The following SORBS3 variants were observed in gnomAD, a reference collection of about 807,000 sequenced individuals.
The protein encoded by SORBS3 is vinexin.
SORBS3 carries 69 observed loss-of-function variants against 98.0 expected under a neutral mutation model. The observed-to-expected ratio is 0.70, with a 90% CI of 0.58 to 0.86. The LOEUF (loss-of-function observed/expected upper bound fraction) is 0.86. Among genes scored for constraint, SORBS3 ranks in the 40% least tolerant of loss-of-function variants. The pLI, the probability that SORBS3 is intolerant of heterozygous loss-of-function variation, is 0.00. For synonymous variants in SORBS3, 394 were observed against 355.4 expected (o/e 1.11, Z -1.22); for missense variants, 954 against 908.5 (o/e 1.05, Z -0.64).
chr8:22,572,238 AG>A lies in SORBS3; in HGVS notation c.1848-101del, dbSNP rs142934923. On this transcript the variant is annotated intron_variant, in intron 19 of 20. Coordinates refer to ENST00000240123, the MANE Select transcript of SORBS3 (RefSeq NM_005775.5). ...GCTCTGAGGAGCTGGATCAGGGGCT[AG>A]TGAGAGCATGAAGGGACCCTGGGGC... is the stretch of plus-strand genomic sequence containing the variant. The A allele has an allele frequency of 1.0e-3, 906 of 894,860 alleles. 4 individuals are homozygous for A. In the African/African-American group the frequency reaches 0.014, roughly 13 times the overall value. The allele number at this position is 894,860 out of a possible 1,614,324, so 55.4% of individuals were successfully genotyped here.
chr8:22,572,374 G>A lies in SORBS3; in HGVS notation c.1882G>A (p.Glu628Lys), dbSNP rs1172606401. Residue 628 changes from glutamate to lysine, a missense_variant, in exon 20 of 21, where the codon GAA (glutamate) becomes AAA (lysine). Physicochemically the swap from Glu to Lys is moderately conservative, Grantham distance 56. Transcript: ENST00000240123. ...GATGTACCAGTACAGGCCCCAGAAC[G>A]AAGACGAGCTGGAGCTGCGCGAGGG... is the stretch of plus-strand genomic sequence containing the variant. ...RAMYQYRPQNEDELELREGDR... is the reference protein window; with the variant it reads ...RAMYQYRPQNKDELELREGDR... 36 of 1,613,976 alleles carry A rather than the reference G, an allele frequency of 2.2e-5. No individual in the cohort carries two copies. The highest frequency in any genetic ancestry group is 4.4e-5 in the South Asian group (4 of 91,090).
At chr8:22,546,124 G>A (rs141753689) in intron 1 of SORBS3, among the ~76,000 whole-genome samples, 149 of 152,158 alleles carry the variant, frequency 9.8e-4, no homozygotes, top group Middle Eastern at 3.4e-3. Context: ...AGAAGGCGAG[G>A]GAAATGTTAC....
upstream of SORBS3, among the ~76,000 whole-genome samples, chr8:22,547,895 A>G (rs1840032340): frequency 6.6e-6 from 1 of 152,210 alleles, no homozygotes; most frequent in Non-Finnish European, 1.5e-5. Context: ...CAGGCGGGAT[A>G]AATTGGGCAA....
chr8:22,556,795 C>T lies in SORBS3; in HGVS notation c.301C>T (p.Gln101Ter), dbSNP rs1420877448. 1 of 1,613,686 alleles carries T rather than the reference C, an allele frequency of 6.2e-7. No individual in the cohort carries two copies. The highest frequency in any genetic ancestry group is 8.5e-7 in the Non-Finnish European group (1 of 1,180,046). ...STKIPASQHT[Q>*]NWSATWTKDS... ...AAAGATCCCTGCCTCCCAGCACACC[C>T]AGAACTGGTCAGCCACGTGGACCAA... The change falls in exon 4 of 21, where the codon CAG (glutamine) becomes TAG (stop). Residue 101 changes from glutamine to a stop codon, truncating the protein, a stop_gained. Transcript: ENST00000240123. LOFTEE classifies it high-confidence loss of function.
intron 4 of SORBS3, 123 bp from the exon 5 acceptor site, chr8:22,558,006 C>A (rs930145098): frequency 1.6e-5 from 14 of 861,664 alleles, no homozygotes; most frequent in Non-Finnish European, 2.6e-5. Flanking sequence ...AAGCATTTCC[C>A]AGCCCACCTA....
intron 12 of SORBS3, 50 bp from the exon 13 acceptor site, chr8:22,566,295 G>A (rs13259625): frequency 0.012 from 18,921 of 1,590,726 alleles, 153 homozygotes; most frequent in Non-Finnish European, 0.013. Flanking sequence ...GGTGACCAGG[G>A]TGGGGTGCGG....
intron 11 of SORBS3, 30 bp from the exon 12 acceptor site, chr8:22,565,796 G>C: frequency 8.3e-6 from 11 of 1,317,772 alleles, no homozygotes; most frequent in Non-Finnish European, 8.7e-6. Context: ...CCGGGGTCGC[G>C]GGCCCTGATT....
intron 16 of SORBS3, 93 bp from the exon 17 acceptor site, chr8:22,569,055 G>A (rs1199418092): frequency 8.2e-6 from 11 of 1,341,860 alleles, no homozygotes; most frequent in Non-Finnish European, 1.1e-5. Flanking sequence ...CCTAGGGGCG[G>A]GCCCACCTTC....
At chr8:22,573,495 C>T (rs985881628) in intron 20 of SORBS3, 2 of 445,080 alleles carry the variant, frequency 4.5e-6, no homozygotes, top group Non-Finnish European at 9.0e-6. Context: ...TCCAGTTCCT[C>T]AGTTGCACAG....
rs1406552333 is a variant in SORBS3, at chr8:22,553,981, G to C, written c.-55-471G>C. ...TGGAGGGCAGTGGGCGGGTGGCTGAGTAATCCCTTGTGCCCGCAGGCAAGA... is the reference window on the plus strand; with the variant it reads ...TGGAGGGCAGTGGGCGGGTGGCTGACTAATCCCTTGTGCCCGCAGGCAAGA... On this transcript the variant is annotated intron_variant, in intron 1 of 20. Coordinates refer to ENST00000240123, the MANE Select transcript of SORBS3 (RefSeq NM_005775.5). 2.0e-5 allele frequency among the ~76,000 whole-genome samples: 3 copies of C among 152,224 alleles called. No individual in the cohort carries two copies. In the East Asian group the frequency reaches 5.8e-4, roughly 29 times the overall value.
upstream of SORBS3, among the ~76,000 whole-genome samples, chr8:22,551,056 A>G (rs1840071547): frequency 1.3e-5 from 2 of 152,246 alleles, no homozygotes; most frequent in African/African-American, 2.4e-5. This position sits in a 1 kb window ranked among gnomAD's most constrained non-coding sequence, Gnocchi z 5.8. Context: ...CAGCGAGAAC[A>G]GCGGAAAAGC....
intron 20 of SORBS3, 98 bp downstream of exon 20, chr8:22,572,544 G>A (rs1840616462): frequency 2.1e-6 from 2 of 971,634 alleles, no homozygotes; most frequent in African/African-American, 1.6e-5. Flanking sequence ...ATTCATGGCC[G>A]ACCACCCCCC....
intron 11 of SORBS3, 130 bp downstream of exon 11, chr8:22,565,484 C>A: frequency 1.4e-6 from 1 of 719,810 alleles, no homozygotes; most frequent in Non-Finnish European, 2.0e-6. Flanking sequence ...CGCGCACCGG[C>A]CTCGGGCCCT....
At chr8:22,560,331 A>G (rs1004870779) in intron 5 of SORBS3, among the ~76,000 whole-genome samples, 1 of 152,048 alleles carries the variant, frequency 6.6e-6, no homozygotes, top group Non-Finnish European at 1.5e-5. Flanking sequence ...ACAACAATCC[A>G]TAAGACTAGA....
rs1840090035 is a variant in SORBS3 at position 22,551,943 on chromosome 8, C to G, written c.-135C>G. 1 of 985,374 alleles carries G rather than the reference C, an allele frequency of 1.0e-6. No homozygotes were observed. The highest frequency in any genetic ancestry group is 1.7e-5 in the African/African-American group (1 of 57,224). The allele number at this position is 985,374 out of a possible 1,614,324, so 61.0% of individuals were successfully genotyped here. ...CTCCTTGCCCTTCCTCCTCGAGCGC[C>G]CGCGCCAGGCAGCAGCCGGGCAGGG... is the stretch of plus-strand genomic sequence containing the variant. On this transcript the variant is annotated 5_prime_UTR_variant, in exon 1 of 21. Transcript: ENST00000240123. The surrounding 1 kb of genome is among the most constrained non-coding windows in gnomAD (Gnocchi z 5.8).
rs757018138 is a variant in SORBS3 at position 22,564,481 on chromosome 8, T to C, written c.776T>C (p.Leu259Pro). 1.9e-6 allele frequency: 3 copies of C among 1,613,924 alleles called. No individual in the cohort carries two copies. The highest frequency in any genetic ancestry group is 1.3e-5 in the African/African-American group (1 of 74,898). The change falls in exon 10 of 21, where the codon CTG becomes CCG. Residue 259 changes from leucine to proline, a missense_variant. By Grantham distance (98) the Leu-to-Pro change is moderately conservative. Coordinates refer to ENST00000240123, the MANE Select transcript of SORBS3 (RefSeq NM_005775.5). ...TCTACCCTTCAGCCCAAGAAACCGCTGGTGGACGACCCTGGTGAGAAGCCC... is the reference window on the plus strand; with the variant it reads ...TCTACCCTTCAGCCCAAGAAACCGCCGGTGGACGACCCTGGTGAGAAGCCC... The part of the protein sequence containing the change: ...LETGQRPKKP[L>P]VDDPGEKPSQ...
intron 10 of SORBS3, 93 bp from the exon 11 acceptor site, chr8:22,565,175 C>A: frequency 1.3e-6 from 2 of 1,485,480 alleles, no homozygotes; most frequent in Non-Finnish European, 1.8e-6. Flanking sequence ...CGGCCCGGTG[C>A]GCTGGCCTTG....
At chr8:22,566,149 TG>T in intron 12 of SORBS3, 195 bp from the exon 13 acceptor site, 1 of 747,646 alleles carries the variant, frequency 1.3e-6, no homozygotes, top group Non-Finnish European at 1.9e-6. Context: ...GCACTCCCGC[TG>T]GGCCCTGCCG....
intron 20 of SORBS3, among the ~76,000 whole-genome samples, chr8:22,574,074 C>T (rs561211370): frequency 1.3e-5 from 2 of 152,278 alleles, no homozygotes; most frequent in East Asian, 3.9e-4. Context: ...TCCAGGGCGT[C>T]CTTCTCTTCA....
Sources: allele counts gnomAD v4.1 joint callset (sites outside exome capture counted in the v4.1 genomes callset), GRCh38; gene constraint gnomAD v4.1.1; non-coding constraint Gnocchi (gnomAD v3.1); transcripts MANE v1.5; gene names NCBI Gene and HGNC (gene_info 2026-07-23, HGNC 2026-07-21).